RAPGEF2: variants seen among roughly 807,000 people sequenced by gnomAD.
RAPGEF2 encodes the protein Rap guanine nucleotide exchange factor 2.
RAPGEF2 carries 54 observed loss-of-function variants against 186.7 expected under a neutral mutation model. The ratio of observed to expected loss-of-function variants is 0.29; its 90% CI spans 0.23 to 0.36. RAPGEF2 has a LOEUF of 0.36. Ranked by LOEUF, RAPGEF2 falls within the 10% of genes least tolerant of loss-of-function variation. The pLI is 1.00. For synonymous variants in RAPGEF2, 712 were observed against 705.9 expected (o/e 1.01, Z -0.14); for missense variants, 1,532 against 2,045.0 (o/e 0.75, Z 4.84).
chr4:159,173,642 AGGTG>A (rs768300440), intron 1 of RAPGEF2, among the ~76,000 whole-genome samples: 7 of 152,176 alleles, frequency 4.6e-5, no homozygotes, highest in Non-Finnish European at 1.0e-4. Flanking sequence ...TTTGTGGGGA[AGGTG>A]TTTGGTTGAT....
intron 3 of RAPGEF2, among the ~76,000 whole-genome samples, chr4:159,206,261 A>T (rs762625385): frequency 1.3e-5 from 2 of 152,236 alleles, no homozygotes; most frequent in Non-Finnish European, 2.9e-5. Context: ...AGCCTATATT[A>T]TAACAAACTG....
chr4:159,198,278 CTTTCTTTCTTTCTTTCTTTCT>C (rs1748936410), intron 3 of RAPGEF2, among the ~76,000 whole-genome samples: 1 of 5,816 alleles, frequency 1.7e-4, no homozygotes, highest in South Asian at 0.013. Flanking sequence ...TTCCTTCTTT[CTTTCTTTCTTTCTTTCTTTCT>C]TTCTTTCTTT....
intron 4 of RAPGEF2, among the ~76,000 whole-genome samples, chr4:159,222,049 T>C (rs1054798653): frequency 3.9e-5 from 6 of 152,268 alleles, no homozygotes; most frequent in Non-Finnish European, 7.3e-5. Flanking sequence ...AGTCATAATT[T>C]CTGCTTCAGT....
At chr4:159,236,475 A>G (rs1753271311) in intron 4 of RAPGEF2, among the ~76,000 whole-genome samples, 1 of 152,228 alleles carries the variant, frequency 6.6e-6, no homozygotes, top group Admixed American at 6.5e-5. Flanking sequence ...TAGTTTATTT[A>G]TGTGAACATT....
chr4:159,202,147 A>T (rs1369763153), intron 3 of RAPGEF2, among the ~76,000 whole-genome samples: 1 of 152,150 alleles, frequency 6.6e-6, no homozygotes, highest in East Asian at 1.9e-4. Context: ...ATTCTTTCTC[A>T]CAAAGCAATC....
intron 1 of RAPGEF2, among the ~76,000 whole-genome samples, chr4:159,139,434 A>G (rs931102071): frequency 2.6e-5 from 4 of 152,212 alleles, no homozygotes; most frequent in African/African-American, 9.6e-5. Context: ...GGCTTTGAGA[A>G]GGACATCCTA....
intron 2 of RAPGEF2, among the ~76,000 whole-genome samples, chr4:159,191,349 A>G (rs114230735): frequency 1.3e-5 from 2 of 152,292 alleles, no homozygotes; most frequent in African/African-American, 4.8e-5. Flanking sequence ...TCTGATAACA[A>G]GTTGGATGCT....
At chr4:159,250,874 G>A (rs2111509432) in intron 7 of RAPGEF2, among the ~76,000 whole-genome samples, 1 of 152,286 alleles carries the variant, frequency 6.6e-6, no homozygotes, top group East Asian at 1.9e-4. Flanking sequence ...CCCTCTCTGG[G>A]CTGGGCGTGG....
intron 1 of RAPGEF2, among the ~76,000 whole-genome samples, chr4:159,164,441 A>G (rs542443617): frequency 2.6e-5 from 4 of 152,068 alleles, no homozygotes; most frequent in African/African-American, 9.7e-5. Context: ...TGAAAATTCT[A>G]CTGTAGCAGA....
intron 28 of RAPGEF2, among the ~76,000 whole-genome samples, chr4:159,355,603 A>G (rs1465540550): frequency 6.6e-6 from 1 of 152,186 alleles, no homozygotes; most frequent in Non-Finnish European, 1.5e-5. Context: ...ATTTAAAGAT[A>G]AAAGTACTTA....
Position 159,353,966 on chromosome 4 carries a change from C to A in RAPGEF2, c.4571C>A (p.Ser1524Tyr). Residue 1524 changes from serine to tyrosine, a missense_variant, in exon 28 of 30, where the codon TCT (serine) becomes TAT (tyrosine). By Grantham distance (144) the Ser-to-Tyr change is moderately radical. This residue lies in a region of RAPGEF2 where 594 missense variants were observed against 608.5 expected (regional missense o/e 0.98). Coordinates refer to ENST00000691494, the MANE Select transcript of RAPGEF2 (RefSeq NM_001394067.2). The surrounding 1 kb of genome is among the most constrained non-coding windows in gnomAD (Gnocchi z 4.3). Reference protein sequence around the residue: ...SIEAESSSLTSVTTEETKPVP... With the variant: ...SIEAESSSLTYVTTEETKPVP... ...GAAGCCGAAAGCAGTAGCCTAACGT[C>A]TGTGACTACGGAAGAAACCAAGCCT... 6.2e-7 allele frequency: 1 copy of A among 1,613,868 alleles called. No homozygotes were observed. The highest frequency in any genetic ancestry group is 8.5e-7 in the Non-Finnish European group (1 of 1,180,008).
chr4:159,131,082 T>G (rs992830503), intron 1 of RAPGEF2, among the ~76,000 whole-genome samples: 20 of 126,178 alleles, frequency 1.6e-4, no homozygotes, highest in Non-Finnish European at 2.7e-4. Context: ...GCGTGTTGTT[T>G]TGTGTGTGTG....
Position 159,241,256 on chromosome 4 carries a change from A to G in RAPGEF2, c.413A>G (p.Gln138Arg). ...TTTCAGCGGCAAGCTTCCCATAGAC[A>G]GTCTCGAAGGAGATTTAGAAAAATC... ...EYFQRQASHR[Q>R]SRRRFRKINQ... The change falls in exon 6 of 30, where the codon CAG (glutamine) becomes CGG (arginine). Residue 138 changes from glutamine (Q) to arginine (R), a missense_variant. This residue lies in a region of RAPGEF2 where 810 missense variants were observed against 1,210.5 expected (regional missense o/e 0.67). Transcript: ENST00000691494. 6.5e-7 allele frequency: 1 copy of G among 1,534,396 alleles called. No homozygotes were observed. The highest frequency in any genetic ancestry group is 8.7e-7 in the Non-Finnish European group (1 of 1,145,782).
intron 28 of RAPGEF2, among the ~76,000 whole-genome samples, chr4:159,355,366 G>A (rs1261303685): frequency 1.3e-5 from 2 of 152,152 alleles, no homozygotes; most frequent in African/African-American, 4.8e-5. Flanking sequence ...AGACCCGAGA[G>A]TGATGTAGAA....
At chr4:159,112,087 G>A (rs1260360856) in intron 1 of RAPGEF2, among the ~76,000 whole-genome samples, 1 of 152,152 alleles carries the variant, frequency 6.6e-6, no homozygotes, top group Non-Finnish European at 1.5e-5. Context: ...TATGGCCTTT[G>A]GAGATTGACT....
intron 7 of RAPGEF2, among the ~76,000 whole-genome samples, chr4:159,249,668 T>A (rs1385028883): frequency 6.6e-6 from 1 of 152,090 alleles, no homozygotes; most frequent in Non-Finnish European, 1.5e-5. Context: ...AAAAATTTAG[T>A]CAGTATTATC....
At chr4:159,196,565 T>A (rs1378094211) in intron 3 of RAPGEF2, among the ~76,000 whole-genome samples, 1 of 152,198 alleles carries the variant, frequency 6.6e-6, no homozygotes, top group Non-Finnish European at 1.5e-5. Flanking sequence ...CTCGTTTTTC[T>A]CACCTATAAT....
chr4:159,125,168 T>C (rs1308912248), intron 1 of RAPGEF2, among the ~76,000 whole-genome samples: 1 of 152,156 alleles, frequency 6.6e-6, no homozygotes, highest in Non-Finnish European at 1.5e-5. Flanking sequence ...CACACCCCAA[T>C]ACCTGGCATA....
At chr4:159,118,517 G>T (rs1560979988) in intron 1 of RAPGEF2, among the ~76,000 whole-genome samples, 1 of 139,110 alleles carries the variant, frequency 7.2e-6, no homozygotes, top group African/African-American at 2.6e-5. Context: ...GAAAAAGGTT[G>T]TCTTCCATGA....
Sources: gnomAD v4.1 joint callset for allele counts (sites outside exome capture counted in the v4.1 genomes callset) on GRCh38, gnomAD v4.1.1 for gene constraint, gnomAD v4.1.1 regional missense constraint, Gnocchi (gnomAD v3.1) non-coding constraint, MANE v1.5 for transcripts, NCBI Gene and HGNC (gene_info 2026-07-23, HGNC 2026-07-21) for gene names.